RARB: variants seen among roughly 807,000 people sequenced by gnomAD.
RARB encodes HBV-activated protein.
A neutral mutation model predicts 51.9 loss-of-function variants in RARB; 17 were observed. The ratio of observed to expected loss-of-function variants is 0.33; its 90% CI spans 0.22 to 0.49. RARB has a LOEUF of 0.49. RARB is among the 20% of genes least tolerant of loss of function. The probability of loss-of-function intolerance (pLI) is 0.99; values close to 1 mark genes in which losing one functional copy is unlikely to be tolerated. For missense variants in RARB, 369 were observed against 550.8 expected (o/e 0.67, Z 3.30); for synonymous variants, 215 against 195.4 (o/e 1.10, Z -0.84).
At chr3:25,469,396 C>G (rs148967268) in intron 2 of RARB, among the ~76,000 whole-genome samples, 94 of 152,364 alleles carry the variant, frequency 6.2e-4, no homozygotes, top group African/African-American at 2.1e-3. Flanking sequence ...TTTCCTCACT[C>G]TGATAGTTGC....
intron 3 of RARB, among the ~76,000 whole-genome samples, chr3:25,517,945 A>G (rs1443693653): frequency 6.6e-6 from 1 of 152,202 alleles, no homozygotes; most frequent in Non-Finnish European, 1.5e-5. Flanking sequence ...GAAAGGGCAA[A>G]TCCATAGAAA....
At chr3:24,931,397 T>C (rs1695437011) in intron 2 of RARB, among the ~76,000 whole-genome samples, 1 of 151,998 alleles carries the variant, frequency 6.6e-6, no homozygotes, top group South Asian at 2.1e-4. Flanking sequence ...TCTCTGTACT[T>C]CCCCTTTAGC....
rs66976672 is a variant in RARB, at chr3:24,877,346, CT to C, written c.-380+18611del. On this transcript the variant is annotated intron_variant, in intron 2 of 11. Transcript: ENST00000383772. ...ATAGTAATTTTTTAAAGCAATCTTA[CT>C]TTTTTTTTTTTTTTTTGGAAAATTC... 5.0e-3 allele frequency among the ~76,000 whole-genome samples: 408 copies of C among 81,888 alleles called. 28 individuals carry two copies. The highest frequency in any genetic ancestry group is 0.028 in the Middle Eastern group (3 of 108). 53.7% of individuals were successfully genotyped at this position (81,888 alleles called of 152,430 possible). A position where few individuals can be genotyped will look rare whatever the true frequency, so the allele number is the denominator to read the frequency against.
intron 4 of RARB, among the ~76,000 whole-genome samples, chr3:25,570,944 GAA>G (rs111980473): frequency 2.7e-5 from 4 of 146,224 alleles, no homozygotes; most frequent in African/African-American, 5.0e-5. Flanking sequence ...ATACCAGAAA[GAA>G]AAAAAAAAAA....
intron 2 of RARB, among the ~76,000 whole-genome samples, chr3:24,966,762 T>C (rs1218791964): frequency 6.6e-6 from 1 of 152,196 alleles, no homozygotes; most frequent in Non-Finnish European, 1.5e-5. Context: ...AAGATTCACA[T>C]TAAATTTTTA....
At chr3:25,514,994 C>T (rs1418615646) in intron 3 of RARB, among the ~76,000 whole-genome samples, 2 of 152,170 alleles carry the variant, frequency 1.3e-5, no homozygotes, top group Non-Finnish European at 2.9e-5. Context: ...AATGTACTCC[C>T]ACCCTACTCT....
chr3:25,030,377 A>G (rs1031276203), intron 2 of RARB, among the ~76,000 whole-genome samples: 3 of 152,248 alleles, frequency 2.0e-5, no homozygotes, highest in Admixed American at 6.5e-5. Flanking sequence ...TCTGGAAATT[A>G]TAAACAAAGT....
At chr3:25,256,076 A>C (rs539178928) in intron 5 of RARB, among the ~76,000 whole-genome samples, 5 of 152,268 alleles carry the variant, frequency 3.3e-5, no homozygotes, top group Non-Finnish European at 7.4e-5. Flanking sequence ...ACATTGAACA[A>C]ATCTCCAATA....
intron 3 of RARB, among the ~76,000 whole-genome samples, chr3:25,079,258 C>T (rs1376364369): frequency 1.3e-5 from 2 of 152,160 alleles, no homozygotes; most frequent in Non-Finnish European, 2.9e-5. Context: ...TTTACTTACA[C>T]ATTTTTAATA....
chr3:24,908,428 C>A (rs1375360397), intron 2 of RARB, among the ~76,000 whole-genome samples: 1 of 152,136 alleles, frequency 6.6e-6, no homozygotes, highest in Non-Finnish European at 1.5e-5. Flanking sequence ...CCTACAGCTT[C>A]CATCAAGGAA....
intron 3 of RARB, among the ~76,000 whole-genome samples, chr3:25,552,304 T>A (rs1559463892): frequency 6.6e-6 from 1 of 152,108 alleles, no homozygotes; most frequent in African/African-American, 2.4e-5. Context: ...AAAATATTAT[T>A]TTAGAGTCCA....
At chr3:25,345,358 T>A (rs1166429712) in intron 5 of RARB, among the ~76,000 whole-genome samples, 1 of 152,136 alleles carries the variant, frequency 6.6e-6, no homozygotes, top group Non-Finnish European at 1.5e-5. Context: ...TATTGGCAAA[T>A]AGAGTTAAAC....
intron 5 of RARB, among the ~76,000 whole-genome samples, chr3:25,217,503 C>T (rs1015928469): frequency 1.3e-5 from 2 of 152,012 alleles, no homozygotes; most frequent in African/African-American, 2.4e-5. Context: ...CCCACCCCCC[C>T]CAATTCTGAT....
chr3:25,508,121 T>C (rs113720030), intron 3 of RARB, among the ~76,000 whole-genome samples: 1,953 of 152,358 alleles, frequency 0.013, 47 homozygotes, highest in African/African-American at 0.044. Flanking sequence ...ACAGCATTTT[T>C]TTCCTATGAC....
chr3:25,401,245 TTCTC>T (rs934821992), intron 5 of RARB, among the ~76,000 whole-genome samples: 12 of 152,128 alleles, frequency 7.9e-5, no homozygotes, highest in African/African-American at 2.9e-4. Flanking sequence ...AGACGAAACT[TTCTC>T]TCCAGTCAGC....
At chr3:25,019,412 T>G (rs759697178) in intron 2 of RARB, among the ~76,000 whole-genome samples, 1 of 152,070 alleles carries the variant, frequency 6.6e-6, no homozygotes, top group Non-Finnish European at 1.5e-5. Flanking sequence ...CAATTGCTAG[T>G]GGGGTCCGGT....
At chr3:24,916,524 CTCT>C (rs1385175887) in intron 2 of RARB, among the ~76,000 whole-genome samples, 2 of 152,126 alleles carry the variant, frequency 1.3e-5, no homozygotes, top group African/African-American at 4.8e-5. Flanking sequence ...TATTGAAGAA[CTCT>C]TCTTTTACCC....
intron 4 of RARB, among the ~76,000 whole-genome samples, chr3:25,170,780 T>A (rs536739952): frequency 6.6e-6 from 1 of 152,140 alleles, no homozygotes; most frequent in South Asian, 2.1e-4. Flanking sequence ...CAGAGAAAAA[T>A]TATATACATA....
chr3:25,406,427 G>C (rs1559387680), intron 5 of RARB, among the ~76,000 whole-genome samples: 1 of 152,232 alleles, frequency 6.6e-6, no homozygotes, highest in Admixed American at 6.5e-5. Context: ...TCCAAGATCA[G>C]GGTGCCAGTG....
Sources: allele counts gnomAD v4.1 joint callset (sites outside exome capture counted in the v4.1 genomes callset), GRCh38; gene constraint gnomAD v4.1.1; transcripts MANE v1.5; gene names NCBI Gene and HGNC (gene_info 2026-07-23, HGNC 2026-07-21).